Variants in RPH3AL observed in about 807,000 individuals in gnomAD.
RPH3AL encodes rab effector Noc2.
RPH3AL carries 38 observed loss-of-function variants against 43.1 expected under a neutral mutation model. The ratio of observed to expected loss-of-function variants is 0.88; its 90% CI spans 0.68 to 1.15. The LOEUF (loss-of-function observed/expected upper bound fraction) is 1.15. Ranked by LOEUF, RPH3AL falls within the 50% of genes most tolerant of loss-of-function variation. The pLI is 0.00. For synonymous variants in RPH3AL, 189 were observed against 176.3 expected (o/e 1.07, Z -0.57); for missense variants, 462 against 423.2 (o/e 1.09, Z -0.81).
chr17:216,895 C>G (rs2040816369), intron 8 of RPH3AL, among the ~76,000 whole-genome samples: 1 of 152,168 alleles, frequency 6.6e-6, no homozygotes, highest in Non-Finnish European at 1.5e-5. Flanking sequence ...TGTGTCAGGT[C>G]TTTGCCAGCT....
At chr17:280,742 A>G (rs2042760554) in intron 6 of RPH3AL, among the ~76,000 whole-genome samples, 1 of 152,214 alleles carries the variant, frequency 6.6e-6, no homozygotes, top group Non-Finnish European at 1.5e-5. Flanking sequence ...AAAGGACCAC[A>G]GAAAGATAAA....
intron 5 of RPH3AL, among the ~76,000 whole-genome samples, chr17:305,094 G>GA (rs199841479): frequency 1.1e-5 from 1 of 92,856 alleles, no homozygotes; most frequent in African/African-American, 4.9e-5. Context: ...CAGGGCGGGA[G>GA]GGGGACAGGG....
chr17:350,010 C>A (rs945904293), intron 1 of RPH3AL, among the ~76,000 whole-genome samples: 1 of 152,226 alleles, frequency 6.6e-6, no homozygotes, highest in African/African-American at 2.4e-5. Flanking sequence ...TCCACAGTCT[C>A]ACTACTGCAG....
Position 252,185 on chromosome 17 carries a change from G to C in RPH3AL, c.439-4900C>G, listed in dbSNP as rs9901911. 1.9e-3 allele frequency among the ~76,000 whole-genome samples: 293 copies of C among 151,848 alleles called. 3 individuals are homozygous for C. Among genetic ancestry groups the C allele is most frequent in the African/African-American group, 6.5e-3 (267 of 41,392 alleles). ...AGATGGGGTTTTACCATGTTACTCA[G>C]GCTGGTCTCTAACTCCTGGGCTCAA... On this transcript the variant is annotated intron_variant, in intron 6 of 9. Transcript: ENST00000331302.
At position 263,635 on chromosome 17, in the gene RPH3AL, G is replaced by A. The variant is rs544561595; in HGVS notation, c.439-16350C>T. 1.6e-4 allele frequency among the ~76,000 whole-genome samples: 25 copies of A among 152,320 alleles called. 1 individual carries two copies. Among genetic ancestry groups the A allele is most frequent in the South Asian group, 1.5e-3 (7 of 4,822 alleles). ...AAATCCTCGGTCTGCACGGTAGGTC[G>A]ACTCGTGGGGAGCTGGCACAGTCTG... On this transcript the variant is annotated intron_variant, in intron 6 of 9. Coordinates refer to ENST00000331302, the MANE Select transcript of RPH3AL (RefSeq NM_006987.4).
rs143808323 is a variant in RPH3AL, at chr17:321,302, C to T, written c.191G>A (p.Arg64Gln). 7.9e-5 allele frequency: 127 copies of T among 1,610,362 alleles called. No homozygotes were observed. In the Admixed American group the frequency reaches 8.7e-4, roughly 11 times the overall value. The change falls in exon 4 of 10, where the codon CGG becomes CAG. Residue 64 changes from arginine (R) to glutamine (Q), a missense_variant. Transcript: ENST00000331302. ...TCTCTGCTGCTCCAGGACGTCGAGC[C>T]GCTCTGCCCTCTGGATGACCTGCAG... ...AILQVIQRAE[R>Q]LDVLEQQRIG...
chr17:313,413 A>C (rs2043698524), intron 5 of RPH3AL, among the ~76,000 whole-genome samples: 1 of 152,206 alleles, frequency 6.6e-6, no homozygotes, highest in African/African-American at 2.4e-5. Context: ...TCTCTGCCCC[A>C]GATGCCACCA....
chr17:253,394 G>A (rs1308444536), intron 6 of RPH3AL, among the ~76,000 whole-genome samples: 2 of 152,146 alleles, frequency 1.3e-5, no homozygotes, highest in African/African-American at 4.8e-5. Flanking sequence ...CACACTGTGG[G>A]GCCGAGAACC....
intron 3 of RPH3AL, among the ~76,000 whole-genome samples, chr17:326,349 AT>A (rs573095486): frequency 2.8e-4 from 42 of 152,028 alleles, no homozygotes; most frequent in Non-Finnish European, 5.3e-4. Context: ...TCTAATTGCA[AT>A]TTTTTTTAAT....
intron 4 of RPH3AL, among the ~76,000 whole-genome samples, chr17:320,630 C>A (rs1299665795): frequency 1.3e-5 from 2 of 152,000 alleles, no homozygotes; most frequent in East Asian, 3.9e-4. Context: ...CAGAGTGAGA[C>A]CCTGTCCCCC....
rs1304609817 is a variant in RPH3AL at position 264,953 on chromosome 17, G to C, written c.438+16815C>G. On this transcript the variant is annotated intron_variant, in intron 6 of 9. Coordinates refer to ENST00000331302, the MANE Select transcript of RPH3AL (RefSeq NM_006987.4). The surrounding 1 kb of genome is among the most constrained non-coding windows in gnomAD (Gnocchi z 4.8). ...GAAAATGTATAAGAAATTATGCTTT[G>C]AAAGTAGATATAAAAGAATCAGTTA... Among the ~76,000 whole-genome samples the C allele has an allele frequency of 6.6e-6, 1 of 152,184 alleles. No homozygotes were observed. Among genetic ancestry groups the C allele is most frequent in the African/African-American group, 2.4e-5 (1 of 41,436 alleles).
At position 304,981 on chromosome 17, in the gene RPH3AL, G is replaced by GTGCTT. The variant is rs1176516181; in HGVS notation, c.351+14438_351+14439insAAGCA. Among the ~76,000 whole-genome samples, 15 of 52,712 alleles carry GTGCTT rather than the reference G, an allele frequency of 2.8e-4. 1 individual carries two copies. Among genetic ancestry groups the GTGCTT allele is most frequent in the African/African-American group, 1.2e-3 (15 of 12,324 alleles). 34.6% of individuals were successfully genotyped at this position (52,712 alleles called of 152,430 possible). On this transcript the variant is annotated intron_variant, in intron 5 of 9. Transcript: ENST00000331302. ...ACAGGGCGAGAGGGGGACAGGGCGG[G>GTGCTT]AGGGGGACAGGGCGAGAGGGGACAG...
chr17:315,046 C>T (rs2043894639), intron 5 of RPH3AL, among the ~76,000 whole-genome samples: 1 of 148,776 alleles, frequency 6.7e-6, no homozygotes, highest in Non-Finnish European at 1.5e-5. Flanking sequence ...CCCTGTACTC[C>T]ACCTCCACTG....
At chr17:317,645 G>C (rs1439377855) in intron 5 of RPH3AL, among the ~76,000 whole-genome samples, 1 of 152,174 alleles carries the variant, frequency 6.6e-6, no homozygotes, top group African/African-American at 2.4e-5. Flanking sequence ...GTATTTTTGG[G>C]CCAGTTAATC....
At chr17:221,430 A>G (rs1268240275) in intron 7 of RPH3AL, among the ~76,000 whole-genome samples, 508 of 123,996 alleles carry the variant, frequency 4.1e-3, no homozygotes, top group African/African-American at 6.8e-3. Flanking sequence ...CACTGAGACA[A>G]TAGACCCAAG....
In RPH3AL at chr17:215,661, C is replaced by G. The variant is rs1433202982; in HGVS notation, c.869G>C (p.Arg290Thr). 7.8e-7 allele frequency: 1 copy of G among 1,278,898 alleles called. No individual in the cohort carries two copies. Among genetic ancestry groups the G allele is most frequent in the South Asian group, 3.2e-5 (1 of 30,934 alleles). 79.2% of individuals were successfully genotyped at this position (1,278,898 alleles called of 1,614,324 possible). The change falls in exon 9 of 10, where the codon AGG becomes ACG. Residue 290 changes from arginine (R) to threonine (T), a missense_variant. Physicochemically the swap from Arg to Thr is moderately conservative, Grantham distance 71. Coordinates refer to ENST00000331302, the MANE Select transcript of RPH3AL (RefSeq NM_006987.4). This position sits in a 1 kb window ranked among gnomAD's most constrained non-coding sequence, Gnocchi z 4.1. The part of the protein sequence containing the change: ...PGGPRPGLTR[R>T]APVKDTPGRA... Reference sequence around the variant, plus strand: ...CAGCAGTTGGGTACTCACCGGGGCCCTTCGGGTCAGCCCGGGGCGGGGTCC... The same window carrying G: ...CAGCAGTTGGGTACTCACCGGGGCCGTTCGGGTCAGCCCGGGGCGGGGTCC...
chr17:224,185 CTG>C (rs2041056334), intron 7 of RPH3AL, among the ~76,000 whole-genome samples: 1 of 152,276 alleles, frequency 6.6e-6, no homozygotes, highest in Non-Finnish European at 1.5e-5. Flanking sequence ...GCACTCCACT[CTG>C]TGTTCTCTGC....
intron 6 of RPH3AL, among the ~76,000 whole-genome samples, chr17:281,156 G>A (rs1272648175): frequency 1.3e-5 from 2 of 152,060 alleles, no homozygotes; most frequent in African/African-American, 2.4e-5. Flanking sequence ...CCCTCAAATG[G>A]GGTTGGAACT....
intron 7 of RPH3AL, among the ~76,000 whole-genome samples, chr17:226,242 G>A (rs766544944): frequency 6.6e-6 from 1 of 152,242 alleles, no homozygotes; most frequent in African/African-American, 2.4e-5. Context: ...AAGTGGGGAA[G>A]AGCCTCAGAT....
Sources: allele counts gnomAD v4.1 joint callset (sites outside exome capture counted in the v4.1 genomes callset), GRCh38; gene constraint gnomAD v4.1.1; non-coding constraint Gnocchi (gnomAD v3.1); transcripts MANE v1.5; gene names NCBI Gene and HGNC (gene_info 2026-07-23, HGNC 2026-07-21).